NIT2: variants seen among roughly 807,000 people sequenced by gnomAD.
The protein encoded by NIT2 is omega-amidase NIT2.
Under a neutral mutation model 42.7 loss-of-function variants are expected in NIT2, and 46 were observed. The observed-to-expected ratio is 1.08, with a 90% confidence interval of 0.85 to 1.38. The LOEUF is 1.38. NIT2 is among the 40% of genes most tolerant of loss of function. The probability of loss-of-function intolerance (pLI) is 0.00; values close to 1 mark genes in which losing one functional copy is unlikely to be tolerated. For missense variants in NIT2, 309 were observed against 342.5 expected (o/e 0.90, Z 0.77); for synonymous variants, 123 against 121.9 (o/e 1.01, Z -0.06).
chr3:100,344,481 T>TAAA lies in NIT2; in HGVS notation c.337-1103_337-1102insAAA, dbSNP rs1706190374. ...CCCAACTCTTTGAAGTATATCTTTT[T>TAAA]AGTATTAAGTTTTCCAGTCCATGAA... On this transcript the variant is annotated intron_variant, in intron 4 of 9. Transcript: ENST00000394140. Among the ~76,000 whole-genome samples, 17 of 152,364 alleles carry TAAA rather than the reference T, an allele frequency of 1.1e-4. No homozygotes were observed. The South Asian group carries it at 3.5e-3, about 32-fold the overall frequency.
At chr3:100,351,438 T>C (rs1313718794) in intron 7 of NIT2, among the ~76,000 whole-genome samples, 1 of 151,998 alleles carries the variant, frequency 6.6e-6, no homozygotes, top group Non-Finnish European at 1.5e-5. Context: ...AACAGAGCCC[T>C]CAGAAATAAC....
intron 3 of NIT2, 76 bp from the exon 4 acceptor site, chr3:100,340,997 T>A: frequency 3.1e-6 from 3 of 964,248 alleles, no homozygotes; most frequent in Non-Finnish European, 3.2e-6. Flanking sequence ...ACCCAAGTTA[T>A]CAGGCTTTTA....
intron 1 of NIT2, 125 bp from the exon 2 acceptor site, chr3:100,338,962 G>A: frequency 1.4e-6 from 1 of 725,912 alleles, no homozygotes. Context: ...GGCATCAAAG[G>A]TATCTTCAGA....
At chr3:100,349,108 C>CT (rs748206956) in intron 7 of NIT2, 26,056 of 228,742 alleles carry the variant, frequency 0.11, 66 homozygotes, top group South Asian at 0.19. Context: ...GGAAACTGTA[C>CT]TTTTTTTTTT....
At chr3:100,350,901 G>C (rs994097694) in intron 7 of NIT2, among the ~76,000 whole-genome samples, 4 of 150,830 alleles carry the variant, frequency 2.7e-5, no homozygotes, top group African/African-American at 4.9e-5. Flanking sequence ...GTTCCCCTTC[G>C]TGTGTCCATG....
At chr3:100,340,012 TG>T in intron 3 of NIT2, 77 bp downstream of exon 3, 1 of 1,233,432 alleles carries the variant, frequency 8.1e-7, no homozygotes, top group Non-Finnish European at 1.1e-6. Flanking sequence ...GGCGTGCGCC[TG>T]TATTCCCTAC....
chr3:100,356,338 T>C lies in NIT2; in HGVS notation c.*1070T>C, dbSNP rs1438827806. 1 of 152,244 alleles carries C rather than the reference T, an allele frequency of 6.6e-6. No homozygotes were observed. Among genetic ancestry groups the C allele is most frequent in the Non-Finnish European group, 1.5e-5 (1 of 68,048 alleles). 9.4% of individuals were successfully genotyped at this position (152,244 alleles called of 1,614,324 possible). A position where few individuals can be genotyped will look rare whatever the true frequency, so the allele number is the denominator to read the frequency against. On this transcript the variant is annotated 3_prime_UTR_variant, in exon 10 of 10. Transcript: ENST00000394140. ...CATGGCTGAGTTTGAGCTATCTGCA[T>C]GACACCTCTAAACACAGAGTTGGGA...
At chr3:100,343,785 G>T (rs112182827) in intron 4 of NIT2, among the ~76,000 whole-genome samples, 1 of 152,172 alleles carries the variant, frequency 6.6e-6, no homozygotes, top group Non-Finnish European at 1.5e-5. Context: ...GTCATGGCAG[G>T]ATCTGTGTTC....
At chr3:100,338,525 A>C (rs1229735255) in intron 1 of NIT2, among the ~76,000 whole-genome samples, 2 of 152,110 alleles carry the variant, frequency 1.3e-5, no homozygotes, top group African/African-American at 4.8e-5. Context: ...TAGTGGGGAA[A>C]CTGAGACAGA....
At chr3:100,349,190 T>G (rs537433983) in intron 7 of NIT2, 1 of 190,580 alleles carries the variant, frequency 5.2e-6, no homozygotes, top group East Asian at 1.4e-4. Flanking sequence ...CATAGCTCAT[T>G]ACAGCCTTGA....
chr3:100,342,264 T>G (rs1706165186), intron 4 of NIT2, among the ~76,000 whole-genome samples: 2 of 152,204 alleles, frequency 1.3e-5, no homozygotes, highest in African/African-American at 4.8e-5. Flanking sequence ...GTTTTTATAT[T>G]TTAAGTGGAT....
intron 7 of NIT2, 58 bp downstream of exon 7, chr3:100,348,939 C>G: frequency 6.7e-7 from 1 of 1,501,062 alleles, no homozygotes; most frequent in South Asian, 1.1e-5. Context: ...AGAAAGATTT[C>G]CGGTTGGGTG....
chr3:100,346,111 A>G, intron 5 of NIT2, 70 bp from the exon 6 acceptor site: 1 of 1,207,824 alleles, frequency 8.3e-7, no homozygotes, highest in Non-Finnish European at 1.2e-6. Context: ...TATGTCATGG[A>G]GGATTTCCCC....
chr3:100,334,888 C>A, intron 1 of NIT2, 90 bp downstream of exon 1: 1 of 1,168,374 alleles, frequency 8.6e-7, no homozygotes, highest in Non-Finnish European at 1.1e-6. Context: ...CGGCTCAGCC[C>A]CTCCGCCCCG....
intron 4 of NIT2, among the ~76,000 whole-genome samples, chr3:100,342,196 T>C (rs902837340): frequency 1.3e-5 from 2 of 152,250 alleles, no homozygotes; most frequent in African/African-American, 4.8e-5. Flanking sequence ...CCAGCCTTCT[T>C]ATGCCTAATG....
At position 100,346,213 on chromosome 3, in the gene NIT2, G is replaced by A. The variant is rs368267372; in HGVS notation, c.463G>A (p.Asp155Asn). ...YCRVGLGICY[D>N]MRFAELAQIY... ...CAGAGTGGGTCTGGGCATCTGCTAC[G>A]ACATGCGGTTTGCAGAGCTTGCACA... Residue 155 changes from aspartate (D) to asparagine (N), a missense_variant, in exon 6 of 10, where the codon GAC (aspartate) becomes AAC (asparagine). By Grantham distance (23) the Asp-to-Asn change is conservative. Coordinates refer to ENST00000394140, the MANE Select transcript of NIT2 (RefSeq NM_020202.5). 1.7e-5 allele frequency: 28 copies of A among 1,614,002 alleles called. No homozygotes were observed. The highest frequency in any genetic ancestry group is 4.0e-5 in the African/African-American group (3 of 74,926).
In NIT2 at chr3:100,360,070, T is replaced by C. The variant is rs1016560805; in HGVS notation, c.*4802T>C. 2.6e-5 allele frequency: 4 copies of C among 152,224 alleles called. No individual in the cohort carries two copies. The highest frequency in any genetic ancestry group is 4.4e-5 in the Non-Finnish European group (3 of 68,042). The allele number at this position is 152,224 out of a possible 1,614,324, so 9.4% of individuals were successfully genotyped here. ...TTTTGAGCTCCTCTATGTTCATCTTTTTATGGCTAACCCTCACCATCATGA... is the reference window on the plus strand; with the variant it reads ...TTTTGAGCTCCTCTATGTTCATCTTCTTATGGCTAACCCTCACCATCATGA... On this transcript the variant is annotated 3_prime_UTR_variant, in exon 10 of 10. Coordinates refer to ENST00000394140, the MANE Select transcript of NIT2 (RefSeq NM_020202.5).
At chr3:100,351,525 A>G (rs1442983993) in intron 7 of NIT2, among the ~76,000 whole-genome samples, 1 of 152,164 alleles carries the variant, frequency 6.6e-6, no homozygotes, top group Non-Finnish European at 1.5e-5. Context: ...CCTATTTAAT[A>G]AATGGTGCTG....
chr3:100,352,737 G>A (rs1010333554), intron 8 of NIT2, among the ~76,000 whole-genome samples: 6 of 152,168 alleles, frequency 3.9e-5, no homozygotes, highest in East Asian at 1.9e-4. Flanking sequence ...GCCCTCTTCT[G>A]AGTTTCTGGT....
Sources: allele counts gnomAD v4.1 joint callset (sites outside exome capture counted in the v4.1 genomes callset), GRCh38; gene constraint gnomAD v4.1.1; transcripts MANE v1.5; gene names NCBI Gene and HGNC (gene_info 2026-07-23, HGNC 2026-07-21).